VTI1A: variants seen among roughly 807,000 people sequenced by gnomAD.
The protein encoded by VTI1A is vesicle transport through interaction with t-SNAREs homolog 1A.
Under a neutral mutation model 34.9 loss-of-function variants are expected in VTI1A, and 22 were observed. The ratio of observed to expected loss-of-function variants is 0.63; its 90% CI spans 0.45 to 0.90. The LOEUF (loss-of-function observed/expected upper bound fraction) is 0.90. Ranked by LOEUF, VTI1A falls within the 40% of genes least tolerant of loss-of-function variation. The pLI, the probability that VTI1A is intolerant of heterozygous loss-of-function variation, is 0.00. For missense variants in VTI1A, 268 were observed against 275.6 expected (o/e 0.97, Z 0.20); for synonymous variants, 87 against 97.3 (o/e 0.89, Z 0.62).
chr10:112,846,884 G>C, the VTI1A span, among the ~76,000 whole-genome samples: 14 of 152,216 alleles, frequency 9.2e-5, no homozygotes, highest in South Asian at 2.9e-3. Flanking sequence ...ATTCTAGAAA[G>C]TCTAACTTGG....
intron 5 of VTI1A, among the ~76,000 whole-genome samples, chr10:112,645,742 G>C (rs946956059): frequency 6.6e-6 from 1 of 152,102 alleles, no homozygotes; most frequent in Non-Finnish European, 1.5e-5. Flanking sequence ...TATATCTAGT[G>C]TTCTCTCTAT....
At chr10:112,451,268 T>C (rs1309538707) in intron 1 of VTI1A, among the ~76,000 whole-genome samples, 1 of 152,110 alleles carries the variant, frequency 6.6e-6, no homozygotes, top group Non-Finnish European at 1.5e-5. Flanking sequence ...CCTTATAATG[T>C]AAAAATCAGT....
At chr10:112,483,845 G>T (rs148285836) in intron 3 of VTI1A, among the ~76,000 whole-genome samples, 271 of 152,268 alleles carry the variant, frequency 1.8e-3, no homozygotes, top group African/African-American at 6.3e-3. Context: ...ATATCATGTT[G>T]TATATCATTT....
intron 7 of VTI1A, among the ~76,000 whole-genome samples, chr10:112,721,732 T>C (rs1285432715): frequency 6.6e-6 from 1 of 152,174 alleles, no homozygotes; most frequent in Non-Finnish European, 1.5e-5. Context: ...TACCATTATT[T>C]CAGACAACAA....
rs1407249905 is a variant in VTI1A at position 112,771,612 on chromosome 10, A to G, written c.561-43678A>G. On this transcript the variant is annotated intron_variant, in intron 7 of 7. Coordinates refer to ENST00000393077, the MANE Select transcript of VTI1A (RefSeq NM_145206.4). ...GTATACAATTCAATGGGGTTTTTTT[A>G]GTATACTCTTATATGTGCAACCATC... 2.0e-5 allele frequency among the ~76,000 whole-genome samples: 3 copies of G among 152,206 alleles called. No individual in the cohort carries two copies. The South Asian group carries it at 6.2e-4, about 31-fold the overall frequency.
chr10:112,465,282 C>A (rs1366166416), intron 3 of VTI1A, among the ~76,000 whole-genome samples: 2 of 149,544 alleles, frequency 1.3e-5, no homozygotes, highest in African/African-American at 2.6e-5. Flanking sequence ...AATGTAAAGA[C>A]ATAATGTTAA....
At chr10:112,463,840 G>A (rs1847809998) in intron 2 of VTI1A, among the ~76,000 whole-genome samples, 1 of 152,090 alleles carries the variant, frequency 6.6e-6, no homozygotes. Flanking sequence ...ATGTTTCATG[G>A]ATTACCCATG....
In VTI1A at chr10:112,816,177, C is replaced by G; in HGVS notation, c.*794C>G. ...CGTCTTCCCTGACCTGTGTAAGCAT[C>G]TCTGTATCCTTTCGGTTTTAATATC... On this transcript the variant is annotated 3_prime_UTR_variant, in exon 8 of 8. Transcript: ENST00000393077. The G allele has an allele frequency of 4.6e-6, 1 of 218,288 alleles. No individual in the cohort carries two copies. Among genetic ancestry groups the G allele is most frequent in the African/African-American group, 2.2e-5 (1 of 44,622 alleles). 13.5% of individuals were successfully genotyped at this position (218,288 alleles called of 1,614,324 possible). A position where few individuals can be genotyped will look rare whatever the true frequency, so the allele number is the denominator to read the frequency against.
Position 112,464,636 on chromosome 10 carries a change from G to T in VTI1A, c.243G>T (p.Met81Ile), listed in dbSNP as rs1205114763. 1.7e-5 allele frequency: 27 copies of T among 1,611,610 alleles called. No individual in the cohort carries two copies. Among genetic ancestry groups the T allele is most frequent in the Non-Finnish European group, 2.2e-5 (26 of 1,178,510 alleles). ...GAATGAGAAGCTACAAACAAGAAAT[G>T]GGAAAACTCGAAACAGATTTTGTGA... ...SNRMRSYKQE[M>I]GKLETDFKRS... Residue 81 changes from methionine (M) to isoleucine (I), a missense_variant, in exon 3 of 8, where the codon ATG (methionine) becomes ATT (isoleucine). Met to Ile is a conservative substitution (Grantham distance 10). Transcript: ENST00000393077.
intron 7 of VTI1A, among the ~76,000 whole-genome samples, chr10:112,673,597 A>G (rs1847933142): frequency 6.6e-6 from 1 of 152,256 alleles, no homozygotes; most frequent in Non-Finnish European, 1.5e-5. Flanking sequence ...AATCTGTAGT[A>G]TAAACAAAGC....
chr10:112,743,752 C>T (rs1185734991), intron 7 of VTI1A, among the ~76,000 whole-genome samples: 5 of 152,106 alleles, frequency 3.3e-5, no homozygotes, highest in African/African-American at 4.8e-5. Context: ...CTTTTTGCCT[C>T]TCCAGAGAGA....
chr10:112,735,190 A>G (rs970373977), intron 7 of VTI1A, among the ~76,000 whole-genome samples: 1 of 152,148 alleles, frequency 6.6e-6, no homozygotes, highest in African/African-American at 2.4e-5. Context: ...AGAGTTTTAT[A>G]TGCAGTTGCC....
chr10:112,492,325 A>G (rs951557517), intron 3 of VTI1A, among the ~76,000 whole-genome samples: 2 of 152,210 alleles, frequency 1.3e-5, no homozygotes, highest in African/African-American at 4.8e-5. Context: ...AAGAAACATC[A>G]TATAAGGTAC....
intron 7 of VTI1A, chr10:112,671,982 CT>C (rs1235038250): frequency 6.6e-6 from 1 of 152,042 alleles, no homozygotes; most frequent in Non-Finnish European, 1.5e-5. Context: ...TTTCAGAGTA[CT>C]TTAGTGTAGT....
intron 3 of VTI1A, among the ~76,000 whole-genome samples, chr10:112,500,176 C>A (rs1182165676): frequency 1.3e-5 from 2 of 152,106 alleles, no homozygotes; most frequent in Admixed American, 1.3e-4. Flanking sequence ...GTGACTCATG[C>A]CTGTAATCCC....
intron 7 of VTI1A, among the ~76,000 whole-genome samples, chr10:112,791,828 T>C (rs960658937): frequency 8.8e-5 from 4 of 45,426 alleles, no homozygotes; most frequent in African/African-American, 2.4e-4. Flanking sequence ...GATTAAACAA[T>C]ATAACTTTTT....
At chr10:112,620,176 A>G (rs915187668) in intron 5 of VTI1A, among the ~76,000 whole-genome samples, 1 of 152,194 alleles carries the variant, frequency 6.6e-6, no homozygotes, top group Non-Finnish European at 1.5e-5. Flanking sequence ...TAGAATTTGC[A>G]TCTTATTGTT....
chr10:112,468,513 T>C (rs980694998), intron 3 of VTI1A, among the ~76,000 whole-genome samples: 3 of 152,206 alleles, frequency 2.0e-5, no homozygotes, highest in African/African-American at 2.4e-5. Flanking sequence ...GTTCCACTTG[T>C]AATAGCAAGA....
intron 7 of VTI1A, among the ~76,000 whole-genome samples, chr10:112,720,086 A>G (rs887628908): frequency 6.6e-6 from 1 of 152,268 alleles, no homozygotes; most frequent in African/African-American, 2.4e-5. Context: ...GTATGGATAC[A>G]TAAATTTTAT....
Sources: gnomAD v4.1 joint callset for allele counts (sites outside exome capture counted in the v4.1 genomes callset) on GRCh38, gnomAD v4.1.1 for gene constraint, MANE v1.5 for transcripts, NCBI Gene and HGNC (gene_info 2026-07-23, HGNC 2026-07-21) for gene names.